RBFOX1: variants seen among roughly 807,000 people sequenced by gnomAD.
RBFOX1 encodes the protein RNA binding protein fox-1 homolog 1.
RBFOX1 carries 8 observed loss-of-function variants against 57.7 expected under a neutral mutation model. That is an observed-to-expected ratio of 0.14 (90% confidence interval 0.08 to 0.25). RBFOX1 has a LOEUF of 0.25. RBFOX1 is among the 10% of genes least tolerant of loss of function. The probability of loss-of-function intolerance (pLI) is 1.00; values close to 1 mark genes in which losing one functional copy is unlikely to be tolerated. For synonymous variants in RBFOX1, 326 were observed against 222.4 expected (o/e 1.47, Z -4.15); for missense variants, 611 against 548.5 (o/e 1.11, Z -1.14).
chr16:7,130,115 C>T (rs961627224), intron 4 of RBFOX1, among the ~76,000 whole-genome samples: 2 of 151,380 alleles, frequency 1.3e-5, no homozygotes, highest in African/African-American at 2.4e-5. Context: ...CCACTGCAAC[C>T]TCTGCCTCCT....
At chr16:6,349,018 A>G (rs542444099) in intron 2 of RBFOX1, among the ~76,000 whole-genome samples, 1 of 152,294 alleles carries the variant, frequency 6.6e-6, no homozygotes, top group South Asian at 2.1e-4. Flanking sequence ...TCCTGATTTT[A>G]TCAGGATCTT....
intron 7 of RBFOX1, 24 bp downstream of exon 7, chr16:7,587,324 A>G (rs748380046): frequency 9.8e-6 from 15 of 1,523,472 alleles, no homozygotes; most frequent in Non-Finnish European, 1.1e-5. Context: ...TTCACTTTAG[A>G]ATTGTTTAGT....
intron 3 of RBFOX1, among the ~76,000 whole-genome samples, chr16:6,855,954 T>A (rs1350754453): frequency 6.6e-6 from 1 of 151,942 alleles, no homozygotes; most frequent in Admixed American, 6.6e-5. Context: ...ATGGGCTCTG[T>A]CATTTGTACC....
At position 5,413,007 on chromosome 16, in the gene RBFOX1, A is replaced by G. The variant is rs74007407; in HGVS notation, c.220-54209A>G. Among the ~76,000 whole-genome samples, 964 of 152,308 alleles carry G rather than the reference A, an allele frequency of 6.3e-3. 10 individuals carry two copies. The highest frequency in any genetic ancestry group is 0.022 in the African/African-American group (909 of 41,576). ...TGGAGCTGGCCGTGCCTTCCTGGTG[A>G]CAGCTCTGGATGAAGCCACTCTGGC... On this transcript the variant is annotated intron_variant, in intron 1 of 2. Coordinates refer to the RBFOX1 transcript ENST00000585867.
intron 3 of RBFOX1, among the ~76,000 whole-genome samples, chr16:6,788,880 C>T (rs1035549798): frequency 6.6e-6 from 1 of 152,134 alleles, no homozygotes. Flanking sequence ...TACTGTCACT[C>T]TGTAGCTAAC....
chr16:7,086,721 T>TACACAG (rs1555460285), intron 4 of RBFOX1, among the ~76,000 whole-genome samples: 4 of 149,476 alleles, frequency 2.7e-5, no homozygotes, highest in Admixed American at 2.0e-4. Context: ...GAAGAATGTA[T>TACACAG]ACACACACAC....
chr16:6,907,701 G>C (rs527592530), intron 3 of RBFOX1, among the ~76,000 whole-genome samples: 2 of 152,256 alleles, frequency 1.3e-5, no homozygotes, highest in South Asian at 4.1e-4. Context: ...CTCCTGAGTA[G>C]CTGGGATTAC....
intron 4 of RBFOX1, among the ~76,000 whole-genome samples, chr16:7,364,591 A>C (rs1240783611): frequency 9.9e-5 from 14 of 141,476 alleles, no homozygotes; most frequent in East Asian, 2.0e-4. Context: ...AAAAAAAAAC[A>C]AAAAAAAAAA....
intron 4 of RBFOX1, among the ~76,000 whole-genome samples, chr16:7,100,664 A>C (rs1048317801): frequency 6.6e-6 from 1 of 151,550 alleles, no homozygotes; most frequent in African/African-American, 2.4e-5. Flanking sequence ...AGCCTGTGAT[A>C]AATATTAATG....
chr16:7,099,672 A>C (rs1244234096), intron 4 of RBFOX1, among the ~76,000 whole-genome samples: 2 of 152,232 alleles, frequency 1.3e-5, no homozygotes, highest in East Asian at 1.9e-4. Context: ...ATGAGACATC[A>C]ATCAATACAT....
At chr16:6,249,791 ATAC>A (rs2097593426) in intron 1 of RBFOX1, among the ~76,000 whole-genome samples, 1 of 113,254 alleles carries the variant, frequency 8.8e-6, no homozygotes, top group Non-Finnish European at 1.9e-5. Flanking sequence ...TTTTTTTATT[ATAC>A]TTTAAGTTTT....
intron 1 of RBFOX1, among the ~76,000 whole-genome samples, chr16:6,179,234 G>T (rs1338397767): frequency 6.6e-6 from 1 of 152,130 alleles, no homozygotes; most frequent in Non-Finnish European, 1.5e-5. Context: ...ACTATCCAAC[G>T]CCGAGGGTCC....
At chr16:7,511,414 C>T (rs1016397056) in intron 4 of RBFOX1, among the ~76,000 whole-genome samples, 3 of 152,278 alleles carry the variant, frequency 2.0e-5, no homozygotes, top group East Asian at 3.9e-4. Context: ...GACTCTGTCT[C>T]CTGAGTCCAC....
chr16:6,942,149 G>T (rs1013134653), intron 3 of RBFOX1, among the ~76,000 whole-genome samples: 3 of 152,182 alleles, frequency 2.0e-5, no homozygotes, highest in African/African-American at 7.2e-5. Flanking sequence ...TGAGGCAGGA[G>T]AATTGCTTGA....
chr16:7,012,513 CAGTG>C (rs1327245375), intron 3 of RBFOX1, among the ~76,000 whole-genome samples: 9 of 152,150 alleles, frequency 5.9e-5, no homozygotes, highest in East Asian at 1.9e-4. Flanking sequence ...CTGGAACAGA[CAGTG>C]AGAAAAACAA....
intron 4 of RBFOX1, among the ~76,000 whole-genome samples, chr16:5,913,586 G>C (rs539722979): frequency 1.3e-5 from 2 of 152,182 alleles, no homozygotes; most frequent in African/African-American, 4.8e-5. Flanking sequence ...GCAGATGCTG[G>C]AGCCATGCTT....
At chr16:5,747,722 T>A (rs976585258) in intron 3 of RBFOX1, among the ~76,000 whole-genome samples, 1 of 152,190 alleles carries the variant, frequency 6.6e-6, no homozygotes, top group Admixed American at 6.5e-5. Context: ...CGTGGTGATA[T>A]CCGCTTTATC....
intron 4 of RBFOX1, among the ~76,000 whole-genome samples, chr16:7,080,893 C>A (rs1156561360): frequency 6.6e-6 from 1 of 152,202 alleles, no homozygotes; most frequent in Admixed American, 6.5e-5. Context: ...GTCATTCCCT[C>A]CTTGACGTTC....
At position 5,921,995 on chromosome 16, in the gene RBFOX1, AAAAC is replaced by A. The variant is rs1156996355; in HGVS notation, c.351+54664_351+54667del. Among the ~76,000 whole-genome samples, 4 of 152,038 alleles carry A rather than the reference AAAAC, an allele frequency of 2.6e-5. No individual in the cohort carries two copies. In the East Asian group the frequency reaches 7.8e-4, roughly 29 times the overall value. On this transcript the variant is annotated intron_variant, in intron 4 of 19. Coordinates refer to the RBFOX1 transcript ENST00000641259. ...AGCTGGACGCCATCTTCACAAAAAAAAAACAAAAAAGAAAAATTCGCCGGGCATG... is the reference window on the plus strand; with the variant it reads ...AGCTGGACGCCATCTTCACAAAAAAAAAAAAAGAAAAATTCGCCGGGCATG...
Sources: gnomAD v4.1 joint callset for allele counts (sites outside exome capture counted in the v4.1 genomes callset) on GRCh38, gnomAD v4.1.1 for gene constraint, MANE v1.5 for transcripts, NCBI Gene and HGNC (gene_info 2026-07-23, HGNC 2026-07-21) for gene names.